ARMC9: variants seen among roughly 807,000 people sequenced by gnomAD.
ARMC9 encodes armadillo repeat containing 9, also known as lisH domain-containing protein ARMC9.
ARMC9 carries 94 observed loss-of-function variants against 107.0 expected under a neutral mutation model. The ratio of observed to expected loss-of-function variants is 0.88; its 90% confidence interval spans 0.74 to 1.04. The LOEUF is 1.04. Ranked by LOEUF, ARMC9 falls within the 50% of genes least tolerant of loss-of-function variation. The probability of loss-of-function intolerance (pLI) is 0.00; values close to 1 mark genes in which losing one functional copy is unlikely to be tolerated. For missense variants in ARMC9, 942 were observed against 1,030.1 expected (o/e 0.91, Z 1.17); for synonymous variants, 380 against 396.9 (o/e 0.96, Z 0.51).
At chr2:231,280,509 A>T (rs1386111735) in intron 16 of ARMC9, among the ~76,000 whole-genome samples, 1 of 151,984 alleles carries the variant, frequency 6.6e-6, no homozygotes, top group African/African-American at 2.4e-5. Flanking sequence ...GAAAAATGAC[A>T]TATATATATA....
At chr2:231,334,416 C>T (rs2043947214) in intron 20 of ARMC9, among the ~76,000 whole-genome samples, 1 of 152,234 alleles carries the variant, frequency 6.6e-6, no homozygotes, top group Admixed American at 6.5e-5. Context: ...ATGCCAATCC[C>T]TGGCCTGCCT....
intron 16 of ARMC9, among the ~76,000 whole-genome samples, chr2:231,279,511 C>CTTTTTT (rs57779512): frequency 1.2e-4 from 15 of 124,806 alleles, no homozygotes; most frequent in South Asian, 2.6e-4. Flanking sequence ...TTTCTTTTTT[C>CTTTTTT]TTTTTTTTTT....
intron 9 of ARMC9, among the ~76,000 whole-genome samples, chr2:231,253,555 G>GA (rs575997256): frequency 2.1e-4 from 32 of 151,206 alleles, no homozygotes; most frequent in Non-Finnish European, 3.4e-4. Context: ...TCAAAAAAAA[G>GA]AAAAAAAAAT....
intron 7 of ARMC9, among the ~76,000 whole-genome samples, chr2:231,228,782 G>A (rs1238967988): frequency 6.6e-6 from 1 of 152,092 alleles, no homozygotes; most frequent in Non-Finnish European, 1.5e-5. Context: ...AATCTGCCAG[G>A]TCGCTGTTCT....
In ARMC9 at chr2:231,222,799, G is replaced by C. The variant is rs750261615; in HGVS notation, c.576G>C (p.Thr192=). Residue 192 remains threonine (T), a synonymous_variant, in exon 6 of 25, where the codon ACG becomes ACC. Transcript: ENST00000611582. ...FLALISKASN[T]PKLLTIYKEN... is the part of the protein sequence containing the mutation. ...CTTTAATATCTAAAGCCAGCAACACGCCAAAGCTTTTAACAATATATGTAT... is the reference window on the plus strand; with the variant it reads ...CTTTAATATCTAAAGCCAGCAACACCCCAAAGCTTTTAACAATATATGTAT... The C allele has an allele frequency of 6.3e-7, 1 of 1,589,394 alleles. No individual in the cohort carries two copies. Among genetic ancestry groups the C allele is most frequent in the African/African-American group, 1.3e-5 (1 of 74,176 alleles).
At chr2:231,361,999 T>TGGGAAGGAC (rs1553637868) in intron 23 of ARMC9, among the ~76,000 whole-genome samples, 2 of 151,750 alleles carry the variant, frequency 1.3e-5, no homozygotes, top group Non-Finnish European at 2.9e-5. Context: ...GTGGGAAGGA[T>TGGGAAGGAC]GGGAAGGACT....
At chr2:231,313,255 T>C (rs920127717) in intron 19 of ARMC9, among the ~76,000 whole-genome samples, 53 of 152,352 alleles carry the variant, frequency 3.5e-4, no homozygotes, top group African/African-American at 1.3e-3. Context: ...CTCTAGAATA[T>C]TTGGTCTGTC....
intron 6 of ARMC9, among the ~76,000 whole-genome samples, chr2:231,225,736 T>G (rs962671589): frequency 1.3e-5 from 2 of 152,070 alleles, no homozygotes; most frequent in African/African-American, 4.8e-5. Context: ...AAAATGGGAG[T>G]AACTGCCAGT....
At chr2:231,214,809 T>C in intron 3 of ARMC9, 22 bp from the exon 4 acceptor site, 2 of 1,609,856 alleles carry the variant, frequency 1.2e-6, no homozygotes, top group Non-Finnish European at 1.7e-6. Context: ...ACGAGGTATG[T>C]AGTCTGATGT....
At chr2:231,278,524 C>T (rs2039954756) in intron 16 of ARMC9, 66 bp downstream of exon 16, 4 of 1,366,452 alleles carry the variant, frequency 2.9e-6, no homozygotes, top group Non-Finnish European at 3.1e-6. Context: ...TGCCTGTGAC[C>T]CCACAGGCAC....
chr2:231,258,762 A>G (rs528102570), intron 10 of ARMC9, among the ~76,000 whole-genome samples: 1 of 152,290 alleles, frequency 6.6e-6, no homozygotes, highest in Non-Finnish European at 1.5e-5. Context: ...TGTTTTAGGA[A>G]AAATGTTAAA....
chr2:231,336,772 G>A (rs1487361217), intron 20 of ARMC9, among the ~76,000 whole-genome samples: 1 of 152,214 alleles, frequency 6.6e-6, no homozygotes, highest in East Asian at 1.9e-4. Context: ...CCAGGAGTGT[G>A]CGTTTTTATT....
chr2:231,302,743 C>T (rs1428461556), intron 19 of ARMC9, among the ~76,000 whole-genome samples: 1 of 152,162 alleles, frequency 6.6e-6, no homozygotes, highest in Non-Finnish European at 1.5e-5. Flanking sequence ...TGGCTCACGC[C>T]TGTAATCTCA....
At chr2:231,250,060 T>C (rs929196720) in intron 9 of ARMC9, among the ~76,000 whole-genome samples, 4 of 152,004 alleles carry the variant, frequency 2.6e-5, no homozygotes, top group African/African-American at 9.7e-5. Flanking sequence ...GGGAGCACAG[T>C]CCTTTTTCTG....
At chr2:231,365,653 A>T (rs1175219694) in intron 23 of ARMC9, among the ~76,000 whole-genome samples, 1 of 151,986 alleles carries the variant, frequency 6.6e-6, no homozygotes, top group African/African-American at 2.4e-5. Flanking sequence ...ATAAAGGCAG[A>T]TAGGAACCAG....
rs1055312836 is a variant in ARMC9, at chr2:231,362,272, C to T, written c.2261+1389C>T. 1.3e-5 allele frequency among the ~76,000 whole-genome samples: 2 copies of T among 152,144 alleles called. No homozygotes were observed. The highest frequency in any genetic ancestry group is 4.8e-5 in the African/African-American group (2 of 41,422). On this transcript the variant is annotated intron_variant, in intron 23 of 24. Transcript: ENST00000611582. The surrounding 1 kb of genome is among the most constrained non-coding windows in gnomAD (Gnocchi z 4.7). ...TGAAATGGGGACTCAAAATGAGAGACCTCTGAGGAGTGGGCTAGAGCTATC... is the reference window on the plus strand; with the variant it reads ...TGAAATGGGGACTCAAAATGAGAGATCTCTGAGGAGTGGGCTAGAGCTATC...
chr2:231,249,050 A>G (rs1322089157), intron 9 of ARMC9, among the ~76,000 whole-genome samples: 3 of 152,098 alleles, frequency 2.0e-5, no homozygotes, highest in African/African-American at 4.8e-5. Context: ...GAGTAGGGAG[A>G]GAAGAAGGGG....
intron 21 of ARMC9, among the ~76,000 whole-genome samples, chr2:231,353,077 A>G (rs1157337767): frequency 7.7e-6 from 1 of 129,704 alleles, no homozygotes; most frequent in Non-Finnish European, 1.5e-5. Context: ...AGATTTTCCA[A>G]CTTTTATGAA....
chr2:231,323,961 G>A (rs1490607135), intron 19 of ARMC9, among the ~76,000 whole-genome samples: 3 of 152,062 alleles, frequency 2.0e-5, no homozygotes, highest in Non-Finnish European at 4.4e-5. Flanking sequence ...CAGCTGCGGG[G>A]CCCTGGTTCT....
Sources: gnomAD v4.1 joint callset for allele counts (sites outside exome capture counted in the v4.1 genomes callset) on GRCh38, gnomAD v4.1.1 for gene constraint, Gnocchi (gnomAD v3.1) non-coding constraint, MANE v1.5 for transcripts, NCBI Gene and HGNC (gene_info 2026-07-23, HGNC 2026-07-21) for gene names.